Variants in SGTB observed in about 807,000 individuals in gnomAD.
SGTB encodes small glutamine rich tetratricopeptide repeat co-chaperone beta, also known as small glutamine-rich tetratricopeptide repeat-containing protein beta.
In SGTB, 19 loss-of-function variants were observed where a neutral mutation model predicts 43.9. The ratio of observed to expected loss-of-function variants is 0.43; its 90% CI spans 0.30 to 0.63. The LOEUF (loss-of-function observed/expected upper bound fraction) is 0.63, where lower values mean the gene tolerates loss of function less well. Ranked by LOEUF, SGTB falls within the 30% of genes least tolerant of loss-of-function variation. The pLI, the probability that SGTB is intolerant of heterozygous loss-of-function variation, is 0.12. For synonymous variants in SGTB, 116 were observed against 117.3 expected (o/e 0.99, Z 0.07); for missense variants, 304 against 358.9 (o/e 0.85, Z 1.24).
chr5:65,686,313 C>T (rs1757497590), intron 5 of SGTB, among the ~76,000 whole-genome samples: 1 of 152,134 alleles, frequency 6.6e-6, no homozygotes, highest in Non-Finnish European at 1.5e-5. Flanking sequence ...ACCTGGTACC[C>T]TTTGCATTAA....
At chr5:65,688,481 G>A (rs1252336158) in intron 5 of SGTB, among the ~76,000 whole-genome samples, 3 of 152,144 alleles carry the variant, frequency 2.0e-5, no homozygotes, top group African/African-American at 7.2e-5. Context: ...AAGGGTAAAA[G>A]GGCTCATGGG....
intron 2 of SGTB, among the ~76,000 whole-genome samples, chr5:65,716,149 G>C (rs1183517048): frequency 6.6e-6 from 1 of 152,182 alleles, no homozygotes; most frequent in African/African-American, 2.4e-5. Context: ...AGGAGACGGG[G>C]GTGTTAGCAT....
intron 5 of SGTB, among the ~76,000 whole-genome samples, chr5:65,686,439 C>CT (rs1757500193): frequency 6.6e-6 from 1 of 152,118 alleles, no homozygotes; most frequent in South Asian, 2.1e-4. Context: ...AGTCTCTGAC[C>CT]TCATGTTCCT....
At chr5:65,678,112 G>T (rs771215604) in intron 8 of SGTB, among the ~76,000 whole-genome samples, 24 of 152,084 alleles carry the variant, frequency 1.6e-4, no homozygotes, top group Non-Finnish European at 3.4e-4. Flanking sequence ...TGTCTCAGTC[G>T]AGAAGTTTAT....
Position 65,667,514 on chromosome 5 carries a change from A to T in SGTB, c.*2732T>A, listed in dbSNP as rs538022727. On this transcript the variant is annotated 3_prime_UTR_variant, in exon 11 of 11. Transcript: ENST00000381007. Reference sequence around the variant, plus strand: ...ACTGGAATACTAGGAGTTCATTCTAACTTAATGAAAATCAAAGTTGGCTTA... The same window carrying T: ...ACTGGAATACTAGGAGTTCATTCTATCTTAATGAAAATCAAAGTTGGCTTA... 2 of 152,218 alleles carry T rather than the reference A, an allele frequency of 1.3e-5. No individual in the cohort carries two copies. The highest frequency in any genetic ancestry group is 2.9e-5 in the Non-Finnish European group (2 of 68,034). The allele number at this position is 152,218 out of a possible 1,614,324, so 9.4% of individuals were successfully genotyped here. A position where few individuals can be genotyped will look rare whatever the true frequency, so the allele number is the denominator to read the frequency against.
At chr5:65,704,531 A>T (rs1055634314) in intron 4 of SGTB, among the ~76,000 whole-genome samples, 153 bp from the exon 5 acceptor site, 1 of 152,242 alleles carries the variant, frequency 6.6e-6, no homozygotes, top group Non-Finnish European at 1.5e-5. Context: ...ATTGTACTAT[A>T]GAGTTGATAT....
intron 6 of SGTB, among the ~76,000 whole-genome samples, chr5:65,681,820 C>CA: frequency 6.6e-6 from 1 of 151,932 alleles, no homozygotes; most frequent in East Asian, 1.9e-4. Flanking sequence ...ACTAAAAATA[C>CA]AAAAATTAGC....
intron 5 of SGTB, among the ~76,000 whole-genome samples, chr5:65,701,554 T>G (rs558671981): frequency 2.0e-5 from 3 of 152,226 alleles, no homozygotes; most frequent in African/African-American, 7.2e-5. Context: ...CACACGGATT[T>G]TTGTTCTATA....
intron 8 of SGTB, among the ~76,000 whole-genome samples, chr5:65,677,194 C>T (rs13165449): frequency 0.25 from 38,019 of 151,742 alleles, 4,935 homozygotes; most frequent in South Asian, 0.4. Context: ...CAGTCCTATG[C>T]GCATAAACTA....
In SGTB at chr5:65,680,304, C is replaced by T. The variant is rs147604793; in HGVS notation, c.681+190G>A. 3.3e-3 allele frequency among the ~76,000 whole-genome samples: 506 copies of T among 152,226 alleles called. 4 individuals carry two copies. The highest frequency in any genetic ancestry group is 0.011 in the African/African-American group (465 of 41,558). ...GTTTTACCTATGTAACAAACCTGCA[C>T]ATCCTGCACATTTACCCCTGCACTT... On this transcript the variant is annotated intron_variant, in intron 8 of 10. Coordinates refer to ENST00000381007, the MANE Select transcript of SGTB (RefSeq NM_019072.3).
chr5:65,697,115 G>A (rs760530544), intron 5 of SGTB, among the ~76,000 whole-genome samples: 20 of 152,156 alleles, frequency 1.3e-4, no homozygotes, highest in African/African-American at 7.2e-5. Flanking sequence ...ACAGGCTACT[G>A]AGATATTTAT....
At chr5:65,711,532 G>A (rs1001726997) in intron 3 of SGTB, among the ~76,000 whole-genome samples, 1 of 152,162 alleles carries the variant, frequency 6.6e-6, no homozygotes, top group African/African-American at 2.4e-5. Flanking sequence ...TCCCTGAGGG[G>A]GCCACAGGCC....
At chr5:65,716,489 G>A (rs1251585749) in intron 2 of SGTB, among the ~76,000 whole-genome samples, 2 of 152,178 alleles carry the variant, frequency 1.3e-5, no homozygotes, top group Non-Finnish European at 2.9e-5. Flanking sequence ...TCAGTCCAGA[G>A]GTGGTATAAG....
Position 65,708,463 on chromosome 5 carries a change from A to C in SGTB, c.274+26T>G, listed in dbSNP as rs906690097. 3.8e-6 allele frequency: 6 copies of C among 1,598,394 alleles called. No homozygotes were observed. In the African/African-American group the frequency reaches 4.0e-5, roughly 11 times the overall value. On this transcript the variant is annotated intron_variant, in intron 4 of 10. Transcript: ENST00000381007. ...CCAGTTTCAGAAAGCTTTACTAAGT[A>C]AGTCATTTTTGTATGAAATATTCAC...
At chr5:65,673,722 C>A (rs796765903) in intron 8 of SGTB, among the ~76,000 whole-genome samples, 2 of 151,832 alleles carry the variant, frequency 1.3e-5, no homozygotes, top group African/African-American at 4.8e-5. Flanking sequence ...ATGGCATGAC[C>A]TCAGCTCACT....
chr5:65,676,153 G>C (rs1243001024), intron 8 of SGTB, among the ~76,000 whole-genome samples: 2 of 152,052 alleles, frequency 1.3e-5, no homozygotes, highest in Non-Finnish European at 2.9e-5. Flanking sequence ...AATTTACCAA[G>C]CAAATGGAAA....
At chr5:65,675,240 A>G (rs896804366) in intron 8 of SGTB, among the ~76,000 whole-genome samples, 2 of 152,194 alleles carry the variant, frequency 1.3e-5, no homozygotes, top group Admixed American at 6.5e-5. Context: ...TGAGATATCT[A>G]TATCTATATC....
chr5:65,707,649 G>A (rs551704568), intron 4 of SGTB, among the ~76,000 whole-genome samples: 1 of 152,096 alleles, frequency 6.6e-6, no homozygotes, highest in Non-Finnish European at 1.5e-5. Flanking sequence ...TGGCCAGGAT[G>A]GTCTTGATCT....
chr5:65,687,345 A>G (rs1757518491), intron 5 of SGTB, among the ~76,000 whole-genome samples: 1 of 152,216 alleles, frequency 6.6e-6, no homozygotes, highest in Admixed American at 6.5e-5. Flanking sequence ...ACAAGTACAG[A>G]TCTTCCTTTT....
Sources: allele counts gnomAD v4.1 joint callset (sites outside exome capture counted in the v4.1 genomes callset), GRCh38; gene constraint gnomAD v4.1.1; transcripts MANE v1.5; gene names NCBI Gene and HGNC (gene_info 2026-07-23, HGNC 2026-07-21).